The following PLEKHN1 variants were observed in gnomAD, a reference collection of about 807,000 sequenced individuals.
The protein encoded by PLEKHN1 is pleckstrin homology domain-containing family N member 1.
In PLEKHN1, 68 loss-of-function variants were observed where a neutral mutation model predicts 72.8. The ratio of observed to expected loss-of-function variants is 0.93; its 90% CI spans 0.77 to 1.14. The LOEUF (loss-of-function observed/expected upper bound fraction) is 1.14. Ranked by LOEUF, PLEKHN1 falls within the 50% of genes most tolerant of loss-of-function variation. PLEKHN1 has a pLI of 0.00. For missense variants in PLEKHN1, 1,015 were observed against 840.5 expected, an observed-to-expected ratio of 1.21 and a Z score of -2.57; for synonymous variants, 454 against 371.6, an observed-to-expected ratio of 1.22 and a Z score of -2.55.
chr1:971,685 G>A (rs538486671), intron 8 of PLEKHN1, among the ~76,000 whole-genome samples: 79 of 152,332 alleles, frequency 5.2e-4, no homozygotes, highest in African/African-American at 1.5e-3. Context: ...GTGCCTGCCC[G>A]TGAGGCGTGT....
Position 973,977 on chromosome 1 carries a change from C to T in PLEKHN1, c.1579C>T (p.Gln527Ter), listed in dbSNP as rs2100482858. 1 of 1,608,808 alleles carries T rather than the reference C, an allele frequency of 6.2e-7. No individual in the cohort carries two copies. The highest frequency in any genetic ancestry group is 1.7e-5 in the Admixed American group (1 of 59,786). ...CTTGCTCTCCAAGAAGGGAGCCCTG[C>T]AGTCCAGAGCCGCTCAGAGACACCG... ...PYLLSKKGALQSRAAQRHRGS... is the reference protein window; with the variant it reads ...PYLLSKKGAL The change falls in exon 14 of 16, where the codon CAG becomes TAG. Residue 527 changes from glutamine to a stop codon, truncating the protein, a stop_gained. Coordinates refer to ENST00000379410, the MANE Select transcript of PLEKHN1 (RefSeq NM_032129.3). LOFTEE classifies it high-confidence loss of function.
chr1:971,135 C>A lies in PLEKHN1; in HGVS notation c.635C>A (p.Thr212Lys), dbSNP rs375803737. 1.1e-5 allele frequency: 18 copies of A among 1,600,726 alleles called. No individual in the cohort carries two copies. Among genetic ancestry groups the A allele is most frequent in the Non-Finnish European group, 1.5e-5 (18 of 1,174,702 alleles). Residue 212 changes from threonine to lysine, a missense_variant, in exon 7 of 16, where the codon ACG becomes AAG. Thr to Lys is a moderately conservative substitution (Grantham distance 78, BLOSUM62 -1). Coordinates refer to ENST00000379410, the MANE Select transcript of PLEKHN1 (RefSeq NM_032129.3). The part of the protein sequence containing the change: ...PPQRRLTRLR[T>K]ASGHEPGGSA... ...CAGCGCCGTCTAACCCGGCTGCGGA[C>A]GGCGTCAGGGCACGAACCCGGCGGC...
intron 2 of PLEKHN1, among the ~76,000 whole-genome samples, chr1:969,397 G>T (rs1431998582): frequency 6.6e-6 from 1 of 152,104 alleles, no homozygotes; most frequent in Admixed American, 6.5e-5. Context: ...ACATCTGTGT[G>T]TATATGCACA....
intron 2 of PLEKHN1, among the ~76,000 whole-genome samples, chr1:969,878 C>T (rs563271823): frequency 6.6e-6 from 1 of 151,272 alleles, no homozygotes; most frequent in African/African-American, 2.4e-5. Context: ...TACGTGTACA[C>T]GAATATGCAT....
At position 974,480 on chromosome 1, in the gene PLEKHN1, G is replaced by A. The variant is rs369263417; in HGVS notation, c.1741G>A (p.Asp581Asn). ...SPRRSRDPGY[D>N]HLWDETLSSS... ...CAGGAGGAGCCGGGACCCCGGCTAC[G>A]ACCACCTCTGGGACGAGACTTTGTC... is the stretch of plus-strand genomic sequence containing the variant. Residue 581 changes from aspartate (D) to asparagine (N), a missense_variant, in exon 16 of 16, where the codon GAC becomes AAC. Coordinates refer to ENST00000379410, the MANE Select transcript of PLEKHN1 (RefSeq NM_032129.3). 4.8e-5 allele frequency: 78 copies of A among 1,612,596 alleles called. No individual in the cohort carries two copies. Among genetic ancestry groups the A allele is most frequent in the Middle Eastern group, 1.6e-4 (1 of 6,082 alleles).
At position 972,917 on chromosome 1, in the gene PLEKHN1, G is replaced by C; in HGVS notation, c.1059G>C (p.Ser353=). 1.3e-6 allele frequency: 2 copies of C among 1,561,174 alleles called. No homozygotes were observed. Among genetic ancestry groups the C allele is most frequent in the Non-Finnish European group, 1.7e-6 (2 of 1,152,594 alleles). Residue 353 remains serine, a synonymous_variant, in exon 11 of 16, where the codon TCG becomes TCC. Transcript: ENST00000379410. ...CAGGCGGACAGACCAGCTGGGACTCGGGGTGCTTGGCGCCCCCCTCCACCC... is the reference window on the plus strand; with the variant it reads ...CAGGCGGACAGACCAGCTGGGACTCCGGGTGCTTGGCGCCCCCCTCCACCC... ...LSSGGQTSWD[S]GCLAPPSTRT...
chr1:970,324 C>T lies in PLEKHN1; in HGVS notation c.231C>T (p.Phe77=), dbSNP rs201422149. Residue 77 remains phenylalanine, a synonymous_variant, in exon 3 of 16, where the codon TTC becomes TTT. Coordinates refer to ENST00000379410, the MANE Select transcript of PLEKHN1 (RefSeq NM_032129.3). The surrounding 1 kb of genome is among the most constrained non-coding windows in gnomAD (Gnocchi z 4.2). ...AGCGAGAAAACCTGGAGCAGCCATT[C>T]CTGAGTGTGTTCAAGAAGGGGCGGC... ...ENQRENLEQP[F]LSVFKKGRRR... The T allele has an allele frequency of 2.5e-6, 4 of 1,613,524 alleles. No individual in the cohort carries two copies. Among genetic ancestry groups the T allele is most frequent in the African/African-American group, 2.7e-5 (2 of 74,986 alleles).
intron 2 of PLEKHN1, among the ~76,000 whole-genome samples, chr1:969,027 G>A (rs1281410776): frequency 2.0e-5 from 3 of 152,214 alleles, no homozygotes; most frequent in Non-Finnish European, 4.4e-5. Context: ...GGGCAACGGT[G>A]AGGACACTGA....
chr1:970,198 T>C lies in PLEKHN1; in HGVS notation c.184-79T>C. ...TATGCACAGGCAGACCATGCTATAGTCCTGTAGCTGTGTGGATGCGAGCGG... is the reference window on the plus strand; with the variant it reads ...TATGCACAGGCAGACCATGCTATAGCCCTGTAGCTGTGTGGATGCGAGCGG... On this transcript the variant is annotated intron_variant, in intron 2 of 15. Coordinates refer to ENST00000379410, the MANE Select transcript of PLEKHN1 (RefSeq NM_032129.3). This position sits in a 1 kb window ranked among gnomAD's most constrained non-coding sequence, Gnocchi z 4.2. The C allele has an allele frequency of 6.7e-7, 1 of 1,484,500 alleles. No individual in the cohort carries two copies. Among genetic ancestry groups the C allele is most frequent in the Non-Finnish European group, 9.2e-7 (1 of 1,088,100 alleles). The allele number at this position is 1,484,500 out of a possible 1,614,324, so 92.0% of individuals were successfully genotyped here.
In PLEKHN1 at chr1:974,436, T is replaced by C. The variant is rs755628579; in HGVS notation, c.1703-6T>C. On this transcript the variant is annotated splice_region_variant and splice_polypyrimidine_tract_variant and intron_variant, in intron 15 of 15. Transcript: ENST00000379410. Reference sequence around the variant, plus strand: ...CAGGCTGACACATCTCTGCCTTCCCTACCAGATGGTCGGTCCCCCAGGAGG... The same window carrying C: ...CAGGCTGACACATCTCTGCCTTCCCCACCAGATGGTCGGTCCCCCAGGAGG... The C allele has an allele frequency of 1.2e-6, 2 of 1,612,868 alleles. No individual in the cohort carries two copies. Among genetic ancestry groups the C allele is most frequent in the Non-Finnish European group, 1.7e-6 (2 of 1,179,950 alleles).
At chr1:967,065 T>C (rs1483910781) in intron 2 of PLEKHN1, among the ~76,000 whole-genome samples, 2 of 152,118 alleles carry the variant, frequency 1.3e-5, no homozygotes, top group Non-Finnish European at 2.9e-5. Flanking sequence ...TCCCGGGACC[T>C]CCTCCCGCAG....
chr1:967,992 C>T (rs1458085814), intron 2 of PLEKHN1, among the ~76,000 whole-genome samples: 1 of 152,216 alleles, frequency 6.6e-6, no homozygotes, highest in African/African-American at 2.4e-5. Context: ...GCCAGTGCTC[C>T]GCGGCCCTGT....
At position 966,873 on chromosome 1, in the gene PLEKHN1, C is replaced by T. The variant is rs561236606; in HGVS notation, c.183+70C>T. On this transcript the variant is annotated intron_variant, in intron 2 of 15. Transcript: ENST00000379410. ...TGCCCGCGCGTGTGTGCCGTGTGTC[C>T]GTGCAGCTCAGGGTCTTCCCCTCGC... The T allele has an allele frequency of 1.2e-3, 1,719 of 1,470,868 alleles. 3 individuals carry two copies. The highest frequency in any genetic ancestry group is 1.5e-3 in the Non-Finnish European group (1,599 of 1,101,088). The allele number at this position is 1,470,868 out of a possible 1,614,324, so 91.1% of individuals were successfully genotyped here.
At position 973,299 on chromosome 1, in the gene PLEKHN1, C is replaced by G; in HGVS notation, c.1266C>G (p.Val422=). 1 of 1,543,014 alleles carries G rather than the reference C, an allele frequency of 6.5e-7. No individual in the cohort carries two copies. Reference sequence around the variant, plus strand: ...CCCGGGCAGAGGGCCGCGGCCCTGTCACCCCACTGCACCTGGACCTGACCC... The same window carrying G: ...CCCGGGCAGAGGGCCGCGGCCCTGTGACCCCACTGCACCTGGACCTGACCC... ...SKARAEGRGP[V]TPLHLDLTQL... Residue 422 remains valine, a synonymous_variant, in exon 12 of 16, where the codon GTC becomes GTG. Transcript: ENST00000379410.
chr1:967,683 C>T (rs924149858), intron 2 of PLEKHN1, among the ~76,000 whole-genome samples: 2 of 152,242 alleles, frequency 1.3e-5, no homozygotes, highest in African/African-American at 2.4e-5. Flanking sequence ...CCTCTCCTGA[C>T]CTCCAGAGTT....
In PLEKHN1 at chr1:971,311, C is replaced by G. The variant is rs763934809; in HGVS notation, c.709-13C>G. On this transcript the variant is annotated splice_polypyrimidine_tract_variant and intron_variant, in intron 7 of 15. Transcript: ENST00000379410. ...AGTTCCCTCATCGCCTGACCCCACC[C>G]CCACCCACCCAGGAGCAGTGGGACC... The G allele has an allele frequency of 6.4e-7, 1 of 1,562,324 alleles. No individual in the cohort carries two copies. The highest frequency in any genetic ancestry group is 8.7e-7 in the Non-Finnish European group (1 of 1,153,028).
Position 974,548 on chromosome 1 carries a change from C to T in PLEKHN1, c.1809C>T (p.Ala603=). Residue 603 remains alanine, a synonymous_variant, in exon 16 of 16, where the codon GCC becomes GCT. Coordinates refer to ENST00000379410, the MANE Select transcript of PLEKHN1 (RefSeq NM_032129.3). ...QKCPQLGGPE[A]SGGLVQWI is the part of the protein sequence containing the mutation. Reference sequence around the variant, plus strand: ...GCCCCCAGCTTGGAGGGCCTGAGGCCAGTGGGGGGCTTGTGCAGTGGATCT... The same window carrying T: ...GCCCCCAGCTTGGAGGGCCTGAGGCTAGTGGGGGGCTTGTGCAGTGGATCT... The T allele has an allele frequency of 6.2e-7, 1 of 1,612,222 alleles. No individual in the cohort carries two copies. The highest frequency in any genetic ancestry group is 8.5e-7 in the Non-Finnish European group (1 of 1,179,774).
intron 2 of PLEKHN1, among the ~76,000 whole-genome samples, 161 bp downstream of exon 2, chr1:966,964 TCCGG>T: frequency 6.6e-6 from 1 of 152,248 alleles, no homozygotes; most frequent in South Asian, 2.1e-4. Context: ...GGGGAGCTCA[TCCGG>T]CCGAAAGTCT....
intron 2 of PLEKHN1, among the ~76,000 whole-genome samples, chr1:969,459 G>A (rs1643172007): frequency 6.6e-6 from 1 of 152,054 alleles, no homozygotes; most frequent in South Asian, 2.1e-4. Flanking sequence ...GGAAATGTAT[G>A]CATGTATGCA....
Sources: gnomAD v4.1 joint callset for allele counts (sites outside exome capture counted in the v4.1 genomes callset) on GRCh38, gnomAD v4.1.1 for gene constraint, Gnocchi (gnomAD v3.1) non-coding constraint, MANE v1.5 for transcripts, NCBI Gene and HGNC (gene_info 2026-07-23, HGNC 2026-07-21) for gene names.